PPP1R1B: variants seen among roughly 807,000 people sequenced by gnomAD.
The protein encoded by PPP1R1B is protein phosphatase 1 regulatory inhibitor subunit 1B, also known as protein phosphatase 1 regulatory subunit 1B.
In PPP1R1B, 13 loss-of-function variants were observed where a neutral mutation model predicts 28.2. That is an observed-to-expected ratio of 0.46 (90% CI 0.30 to 0.73). PPP1R1B has a LOEUF of 0.73. Ranked by LOEUF, PPP1R1B falls within the 30% of genes least tolerant of loss-of-function variation. PPP1R1B has a pLI of 0.07. For synonymous variants in PPP1R1B, 102 were observed against 97.5 expected (o/e 1.05, Z -0.27); for missense variants, 236 against 256.7 (o/e 0.92, Z 0.55).
chr17:39,631,252 G>T (rs1263286452), intron 4 of PPP1R1B, among the ~76,000 whole-genome samples: 2 of 152,166 alleles, frequency 1.3e-5, no homozygotes, highest in African/African-American at 4.8e-5. Flanking sequence ...AATAAAAAAA[G>T]AAAAGGGTCA....
chr17:39,629,831 G>T, intron 3 of PPP1R1B, 141 bp from the exon 4 acceptor site: 2 of 955,480 alleles, frequency 2.1e-6, no homozygotes, highest in Non-Finnish European at 3.3e-6. Flanking sequence ...GCCACAGGGT[G>T]GGGAGGCTCA....
At chr17:39,627,520 CG>C in intron 1 of PPP1R1B, 47 bp downstream of exon 1, 1 of 1,260,656 alleles carries the variant, frequency 7.9e-7, no homozygotes. Context: ...ACACACCCCG[CG>C]GGGCTTCTTC....
intron 4 of PPP1R1B, among the ~76,000 whole-genome samples, chr17:39,630,751 C>A (rs926250031): frequency 1.3e-5 from 2 of 152,156 alleles, no homozygotes. Context: ...CAGTGAGACC[C>A]CCATCTCTAT....
At position 39,633,750 on chromosome 17, in the gene PPP1R1B, A is replaced by C. The variant is rs1597780966; in HGVS notation, c.242-133A>C. On this transcript the variant is annotated intron_variant, in intron 4 of 6. Coordinates refer to ENST00000254079, the MANE Select transcript of PPP1R1B (RefSeq NM_032192.4). ...CTGACCTGTCAACTTTGGCCTTTGA[A>C]CTTGGGCCCCTGAGGGGGTATTCTC... 3 of 1,506,954 alleles carry C rather than the reference A, an allele frequency of 2.0e-6. No individual in the cohort carries two copies. The Admixed American group carries it at 5.9e-5, about 30-fold the overall frequency. The allele number at this position is 1,506,954 out of a possible 1,614,324, so 93.3% of individuals were successfully genotyped here. A position where few individuals can be genotyped will look rare whatever the true frequency, so the allele number is the denominator to read the frequency against.
chr17:39,634,247 C>T (rs2056900714), intron 5 of PPP1R1B, among the ~76,000 whole-genome samples, 161 bp downstream of exon 5: 1 of 152,230 alleles, frequency 6.6e-6, no homozygotes, highest in Non-Finnish European at 1.5e-5. Context: ...CTCAGCCCTA[C>T]CTGAGACATG....
chr17:39,629,469 T>C, intron 2 of PPP1R1B, 71 bp from the exon 3 acceptor site: 1 of 1,586,672 alleles, frequency 6.3e-7, no homozygotes, highest in Admixed American at 1.7e-5. Context: ...CTCGGATTCT[T>C]TCTCTCTCTC....
At chr17:39,631,159 C>T (rs2056874591) in intron 4 of PPP1R1B, among the ~76,000 whole-genome samples, 1 of 152,018 alleles carries the variant, frequency 6.6e-6, no homozygotes, top group Non-Finnish European at 1.5e-5. Context: ...TGCTTGAGCC[C>T]AGAAGTTTGA....
At chr17:39,634,207 C>T in intron 5 of PPP1R1B, 121 bp downstream of exon 5, 1 of 1,302,892 alleles carries the variant, frequency 7.7e-7, no homozygotes, top group Admixed American at 1.8e-5. Context: ...AGGGGCCTCC[C>T]TGTCTTCTCG....
chr17:39,636,266 A>G lies in PPP1R1B; in HGVS notation c.*401A>G. On this transcript the variant is annotated 3_prime_UTR_variant, in exon 7 of 7. Transcript: ENST00000254079. ...GGGAAAGGAGGTCCTGAGAACCTTG[A>G]GGTACCCTTAGATCCTTTTCTACCC... The G allele has an allele frequency of 5.3e-6, 1 of 189,980 alleles. No individual in the cohort carries two copies. The highest frequency in any genetic ancestry group is 1.4e-4 in the East Asian group (1 of 7,224). The allele number at this position is 189,980 out of a possible 1,614,324, so 11.8% of individuals were successfully genotyped here.
intron 4 of PPP1R1B, 124 bp downstream of exon 4, chr17:39,630,171 G>A (rs369878417): frequency 1.4e-5 from 13 of 938,092 alleles, no homozygotes; most frequent in Middle Eastern, 2.2e-4. Flanking sequence ...TCAGCGTGGC[G>A]CAACAACCCA....
Position 39,627,285 on chromosome 17 carries a change from C to T in PPP1R1B, c.-108C>T, listed in dbSNP as rs2056844364. ...TTTTTATCCGTGCGCGAACAGCCCT[C>T]CTCCTCCTCTCGCCGCACAGCCCGC... On this transcript the variant is annotated 5_prime_UTR_variant, in exon 1 of 7. Transcript: ENST00000254079. 1.4e-6 allele frequency: 1 copy of T among 728,052 alleles called. No individual in the cohort carries two copies. The highest frequency in any genetic ancestry group is 2.1e-6 in the Non-Finnish European group (1 of 471,166). 45.1% of individuals were successfully genotyped at this position (728,052 alleles called of 1,614,324 possible). A position where few individuals can be genotyped will look rare whatever the true frequency, so the allele number is the denominator to read the frequency against.
intron 3 of PPP1R1B, 175 bp from the exon 4 acceptor site, chr17:39,629,797 G>A: frequency 3.8e-6 from 3 of 789,446 alleles, no homozygotes; most frequent in Admixed American, 2.4e-5. Flanking sequence ...ACCAGGCCAT[G>A]GCTTATGGGG....
At position 39,629,412 on chromosome 17, in the gene PPP1R1B, G is replaced by A. The variant is rs866980993; in HGVS notation, c.143-128G>A. 7.3e-5 allele frequency: 100 copies of A among 1,362,054 alleles called. No individual in the cohort carries two copies. In the Middle Eastern group the frequency reaches 2.0e-3, roughly 27 times the overall value. 84.4% of individuals were successfully genotyped at this position (1,362,054 alleles called of 1,614,324 possible). ...ACACCTCCCAGCCGCAGGAGGGAGA[G>A]GGCACACTTTCCCTGTCCCCAGAGA... On this transcript the variant is annotated intron_variant, in intron 2 of 6. Coordinates refer to ENST00000254079, the MANE Select transcript of PPP1R1B (RefSeq NM_032192.4).
chr17:39,634,631 C>T (rs371721290), intron 5 of PPP1R1B, among the ~76,000 whole-genome samples: 14 of 152,210 alleles, frequency 9.2e-5, no homozygotes, highest in Admixed American at 7.2e-4. Context: ...AGAACCAGCC[C>T]GGCCCATTAA....
chr17:39,627,486 T>G lies in PPP1R1B; in HGVS notation c.81+13T>G. 1 of 1,503,264 alleles carries G rather than the reference T, an allele frequency of 6.7e-7. No individual in the cohort carries two copies. Among genetic ancestry groups the G allele is most frequent in the Non-Finnish European group, 9.0e-7 (1 of 1,105,956 alleles). The allele number at this position is 1,503,264 out of a possible 1,614,324, so 93.1% of individuals were successfully genotyped here. The stretch of plus-strand genomic sequence containing the variant: ...CCAGGTGGAGATGGTAAGGGGCCCG[T>G]GCCCCACCCCGGCAGCGTACCCGAC... On this transcript the variant is annotated intron_variant, in intron 1 of 6. Coordinates refer to ENST00000254079, the MANE Select transcript of PPP1R1B (RefSeq NM_032192.4).
rs1469902707 is a variant in PPP1R1B at position 39,629,538 on chromosome 17, A to G, written c.143-2A>G. On this transcript the variant is annotated splice_acceptor_variant, in intron 2 of 6. Coordinates refer to ENST00000254079, the MANE Select transcript of PPP1R1B (RefSeq NM_032192.4). LOFTEE classifies it high-confidence loss of function. The stretch of plus-strand genomic sequence containing the variant: ...TCGGTTGGCTTTGGTGGCCTTCCTC[A>G]GAGGAGGAAGCCTCCCCCCACCAGG... 6.2e-7 allele frequency: 1 copy of G among 1,613,536 alleles called. No individual in the cohort carries two copies. Among genetic ancestry groups the G allele is most frequent in the Non-Finnish European group, 8.5e-7 (1 of 1,179,918 alleles).
rs374596493 is a variant in PPP1R1B, at chr17:39,629,482, T to A, written c.143-58T>A. ...AACTCGGATTCTTTCTCTCTCTCCC[T>A]CTTCTCTTTTCCTCCTCGCTTGGTT... is the stretch of plus-strand genomic sequence containing the variant. On this transcript the variant is annotated intron_variant, in intron 2 of 6. Transcript: ENST00000254079. The A allele has an allele frequency of 4.4e-3, 7,059 of 1,605,604 alleles. 308 individuals carry two copies. The South Asian group carries it at 0.072, about 16-fold the overall frequency.
intron 1 of PPP1R1B, among the ~76,000 whole-genome samples, chr17:39,627,718 T>C (rs1444138687): frequency 7.8e-6 from 1 of 127,702 alleles, no homozygotes; most frequent in Non-Finnish European, 1.7e-5. Flanking sequence ...AGGCTGGGGG[T>C]GCGGGGGTGG....
rs1441162524 is a variant in PPP1R1B, at chr17:39,629,569, T to A, written c.165+7T>A. ...GGAAGCCTCCCCCCACCAGGTGAGT[T>A]TCCTGGGGCAGCTGGAAGGAGGGAT... On this transcript the variant is annotated splice_region_variant and intron_variant, in intron 3 of 6. Transcript: ENST00000254079. The A allele has an allele frequency of 7.4e-6, 12 of 1,613,468 alleles. No homozygotes were observed. The highest frequency in any genetic ancestry group is 1.0e-5 in the Non-Finnish European group (12 of 1,179,862).
Sources: gnomAD v4.1 joint callset for allele counts (sites outside exome capture counted in the v4.1 genomes callset) on GRCh38, gnomAD v4.1.1 for gene constraint, MANE v1.5 for transcripts, NCBI Gene and HGNC (gene_info 2026-07-23, HGNC 2026-07-21) for gene names.